The following ADGRA1 variants were observed in gnomAD, a reference collection of about 807,000 sequenced individuals.
The protein encoded by ADGRA1 is adhesion G protein-coupled receptor A1, also known as G-protein coupled receptor 123.
In ADGRA1, 12 loss-of-function variants were observed where a neutral mutation model predicts 21.3. That is an observed-to-expected ratio of 0.56 (90% CI 0.36 to 0.91). ADGRA1 has a LOEUF of 0.91. Ranked by LOEUF, ADGRA1 falls within the 40% of genes least tolerant of loss-of-function variation. The probability of loss-of-function intolerance (pLI) is 0.01; values close to 1 mark genes in which losing one functional copy is unlikely to be tolerated. For synonymous variants in ADGRA1, 385 were observed against 368.8 expected, an observed-to-expected ratio of 1.04 and a Z score of -0.50; for missense variants, 790 against 805.6, an observed-to-expected ratio of 0.98 and a Z score of 0.23.
intron 5 of ADGRA1, among the ~76,000 whole-genome samples, chr10:133,111,115 CT>C: frequency 6.6e-6 from 1 of 151,936 alleles, no homozygotes; most frequent in South Asian, 2.1e-4. Flanking sequence ...CCTAATCCTG[CT>C]GGCCACCTGC....
intron 5 of ADGRA1, among the ~76,000 whole-genome samples, chr10:133,112,409 T>C (rs1363882818): frequency 6.8e-6 from 1 of 146,254 alleles, no homozygotes; most frequent in African/African-American, 2.6e-5. Flanking sequence ...GCGTCCGTTA[T>C]TTGGGGTCTG....
At chr10:133,110,136 C>T (rs536482928) in intron 5 of ADGRA1, among the ~76,000 whole-genome samples, 2 of 152,228 alleles carry the variant, frequency 1.3e-5, no homozygotes, top group South Asian at 2.1e-4. Flanking sequence ...CTCCAGGTGC[C>T]GTCTCCAAAG....
chr10:133,107,195 G>A (rs34304439), intron 5 of ADGRA1, among the ~76,000 whole-genome samples: 2 of 152,072 alleles, frequency 1.3e-5, no homozygotes, highest in Admixed American at 6.5e-5. Context: ...CCTTGTGTCC[G>A]GCAGCTTTGC....
At chr10:133,089,107 C>T (rs1200851216) in intron 2 of ADGRA1, 195 bp downstream of exon 2, 4 of 1,032,194 alleles carry the variant, frequency 3.9e-6, no homozygotes, top group Admixed American at 4.3e-5. Flanking sequence ...GGCACCTCTG[C>T]TCCCCGCGTG....
intron 5 of ADGRA1, among the ~76,000 whole-genome samples, chr10:133,108,343 T>A (rs562423855): frequency 3.0e-4 from 46 of 151,650 alleles, no homozygotes; most frequent in Non-Finnish European, 5.7e-4. Flanking sequence ...TAGGGGAGAG[T>A]TTAGGAGAAG....
At chr10:133,094,710 C>G (rs144556507) in intron 2 of ADGRA1, among the ~76,000 whole-genome samples, 13 of 152,252 alleles carry the variant, frequency 8.5e-5, no homozygotes, top group Admixed American at 2.0e-4. Flanking sequence ...AACAATGGCT[C>G]GTCGGAACTG....
intron 2 of ADGRA1, among the ~76,000 whole-genome samples, chr10:133,090,324 G>A (rs555656294): frequency 2.5e-4 from 38 of 152,214 alleles, no homozygotes; most frequent in African/African-American, 5.5e-4. Flanking sequence ...TCCTCGGCCC[G>A]GGGCCACCCG....
intron 5 of ADGRA1, among the ~76,000 whole-genome samples, chr10:133,107,945 T>G (rs570564049): frequency 6.6e-6 from 1 of 152,366 alleles, no homozygotes; most frequent in South Asian, 2.1e-4. Context: ...ATGAAAAACA[T>G]TTTTTCATTT....
chr10:133,088,750 C>G lies in ADGRA1; in HGVS notation c.-160C>G, dbSNP rs1851547148. The G allele has an allele frequency of 8.1e-7, 1 of 1,231,062 alleles. No homozygotes were observed. The highest frequency in any genetic ancestry group is 3.1e-4 in the Middle Eastern group (1 of 3,218). The allele number at this position is 1,231,062 out of a possible 1,614,324, so 76.3% of individuals were successfully genotyped here. A position where few individuals can be genotyped will look rare whatever the true frequency, so the allele number is the denominator to read the frequency against. ...ACTGCGCCCGCCCCGCCGCGGTCAC[C>G]CTGAGGCCAGGGGCCCGGGAGCGCG... On this transcript the variant is annotated 5_prime_UTR_variant, in exon 2 of 7. Transcript: ENST00000392607.
intron 5 of ADGRA1, among the ~76,000 whole-genome samples, chr10:133,114,873 C>A (rs554246807): frequency 3.7e-4 from 56 of 152,340 alleles, no homozygotes; most frequent in African/African-American, 1.3e-3. Flanking sequence ...CCAATCCAGG[C>A]AGCTCCCTGA....
chr10:133,102,943 C>T (rs1851824455), intron 5 of ADGRA1, 101 bp downstream of exon 5: 5 of 1,308,982 alleles, frequency 3.8e-6, no homozygotes, highest in Non-Finnish European at 4.2e-6. Flanking sequence ...CACCAGGGGC[C>T]TGAGGATGAT....
Position 133,091,002 on chromosome 10 carries a change from T to C in ADGRA1, c.3+2090T>C, listed in dbSNP as rs184600050. Among the ~76,000 whole-genome samples the C allele has an allele frequency of 2.7e-3, 407 of 152,356 alleles. 6 individuals are homozygous for C. The highest frequency in any genetic ancestry group is 1.2e-3 in the Non-Finnish European group (85 of 68,032). On this transcript the variant is annotated intron_variant, in intron 2 of 6. Coordinates refer to ENST00000392607, the MANE Select transcript of ADGRA1 (RefSeq NM_001083909.3). ...CAGTGGTTAAAGCTGGGGCACCTCC[T>C]TCTGCAAGCTGTGTCTCCGTCACCA...
At chr10:133,102,343 G>T in intron 4 of ADGRA1, 1 of 514,770 alleles carries the variant, frequency 1.9e-6, no homozygotes, top group South Asian at 1.5e-5. Context: ...ATCCAGGTCT[G>T]AGCTCAGGGG....
At chr10:133,094,258 C>A (rs1851650572) in intron 2 of ADGRA1, among the ~76,000 whole-genome samples, 1 of 152,258 alleles carries the variant, frequency 6.6e-6, no homozygotes, top group African/African-American at 2.4e-5. Flanking sequence ...TTGCCTCTTG[C>A]ATGAAAAGCA....
Position 133,089,779 on chromosome 10 carries a change from G to A in ADGRA1, c.3+867G>A, listed in dbSNP as rs113619875. On this transcript the variant is annotated intron_variant, in intron 2 of 6. Transcript: ENST00000392607. ...CCGTTCGAAATGTCCAAGCAAGAGA[G>A]ATGCCTTTGCCAACATTCAGTATCG... is the stretch of plus-strand genomic sequence containing the variant. Among the ~76,000 whole-genome samples the A allele has an allele frequency of 4.9e-3, 750 of 152,360 alleles. 4 individuals are homozygous for A. The highest frequency in any genetic ancestry group is 8.1e-3 in the Non-Finnish European group (550 of 68,030).
intron 2 of ADGRA1, chr10:133,089,173 A>G: frequency 1.8e-6 from 1 of 560,880 alleles, no homozygotes; most frequent in Non-Finnish European, 2.7e-6. Flanking sequence ...GAATCATTTA[A>G]TCAATGGAGG....
chr10:133,098,294 CA>C (rs1405990362), intron 3 of ADGRA1, among the ~76,000 whole-genome samples: 1 of 152,202 alleles, frequency 6.6e-6, no homozygotes, highest in Admixed American at 6.5e-5. Flanking sequence ...TGCTGGGACC[CA>C]GGGGGTGCGG....
intron 2 of ADGRA1, among the ~76,000 whole-genome samples, chr10:133,092,594 T>C (rs1851612437): frequency 6.6e-6 from 1 of 152,102 alleles, no homozygotes; most frequent in South Asian, 2.1e-4. Flanking sequence ...GCAATTATTA[T>C]TTAAAAGGCA....
chr10:133,124,824 C>T (rs1160982677), intron 5 of ADGRA1, among the ~76,000 whole-genome samples: 2 of 148,042 alleles, frequency 1.4e-5, no homozygotes, highest in Non-Finnish European at 3.0e-5. Flanking sequence ...GCGGAGCACC[C>T]CCTTCCCCCG....
Sources: gnomAD v4.1 joint callset for allele counts (sites outside exome capture counted in the v4.1 genomes callset) on GRCh38, gnomAD v4.1.1 for gene constraint, MANE v1.5 for transcripts, NCBI Gene and HGNC (gene_info 2026-07-23, HGNC 2026-07-21) for gene names.